Variants in GPATCH2 observed in about 807,000 individuals in gnomAD.
GPATCH2 encodes G patch domain-containing protein 2.
A neutral mutation model predicts 58.0 loss-of-function variants in GPATCH2; 51 were observed. The ratio of observed to expected loss-of-function variants is 0.88; its 90% CI spans 0.70 to 1.11. GPATCH2 has a LOEUF of 1.11. Among genes scored for constraint, GPATCH2 ranks in the 50% most tolerant of loss-of-function variants. The probability of loss-of-function intolerance (pLI) is 0.00; values close to 1 mark genes in which losing one functional copy is unlikely to be tolerated. For missense variants in GPATCH2, 625 were observed against 652.2 expected (o/e 0.96, Z 0.45); for synonymous variants, 222 against 218.5 (o/e 1.02, Z -0.14).
intron 5 of GPATCH2, among the ~76,000 whole-genome samples, chr1:217,525,976 A>G (rs1419108386): frequency 6.6e-6 from 1 of 152,152 alleles, no homozygotes; most frequent in Non-Finnish European, 1.5e-5. Context: ...TTCTTTCCAC[A>G]TTATTCAACA....
At chr1:217,586,453 A>G (rs1013030472) in intron 5 of GPATCH2, among the ~76,000 whole-genome samples, 1 of 152,104 alleles carries the variant, frequency 6.6e-6, no homozygotes, top group Non-Finnish European at 1.5e-5. Flanking sequence ...AGAATCATCA[A>G]TATCACTGTC....
intron 5 of GPATCH2, among the ~76,000 whole-genome samples, chr1:217,528,231 T>C (rs997836506): frequency 6.6e-6 from 1 of 152,354 alleles, no homozygotes; most frequent in East Asian, 1.9e-4. Flanking sequence ...TGTTCAAGTC[T>C]TTAAAAATTA....
At chr1:217,502,694 G>A (rs1662364915) in intron 6 of GPATCH2, among the ~76,000 whole-genome samples, 1 of 152,036 alleles carries the variant, frequency 6.6e-6, no homozygotes, top group South Asian at 2.1e-4. Flanking sequence ...CTACAAAACT[G>A]ATCAGAAGAG....
At chr1:217,541,357 G>T (rs904157817) in intron 5 of GPATCH2, among the ~76,000 whole-genome samples, 5 of 152,174 alleles carry the variant, frequency 3.3e-5, no homozygotes, top group African/African-American at 1.2e-4. Context: ...GGTAATAACT[G>T]CTCTATTCAG....
At chr1:217,608,376 C>T (rs1047385564) in intron 5 of GPATCH2, 30 of 984,598 alleles carry the variant, frequency 3.0e-5, no homozygotes, top group Non-Finnish European at 9.6e-6. Context: ...CCATGATAAA[C>T]ACACATATAT....
At chr1:217,479,423 T>C (rs1223526305) in intron 8 of GPATCH2, among the ~76,000 whole-genome samples, 1 of 152,208 alleles carries the variant, frequency 6.6e-6, no homozygotes, top group African/African-American at 2.4e-5. Flanking sequence ...TTTTGCTTTA[T>C]GCAAACAGTG....
intron 9 of GPATCH2, among the ~76,000 whole-genome samples, chr1:217,444,693 C>T (rs191844732): frequency 6.6e-6 from 1 of 152,268 alleles, no homozygotes; most frequent in Non-Finnish European, 1.5e-5. Context: ...CTTTACTATT[C>T]ATTCAGATAG....
chr1:217,519,997 A>C (rs1663369680), intron 5 of GPATCH2, among the ~76,000 whole-genome samples: 1 of 152,192 alleles, frequency 6.6e-6, no homozygotes, highest in African/African-American at 2.4e-5. Flanking sequence ...TTTAAACATG[A>C]AAAATATTAG....
intron 8 of GPATCH2, among the ~76,000 whole-genome samples, chr1:217,486,029 A>T (rs556706364): frequency 1.3e-5 from 2 of 152,206 alleles, no homozygotes; most frequent in African/African-American, 2.4e-5. Flanking sequence ...TTGCATTTCC[A>T]TATGAAATTT....
chr1:217,593,459 A>T lies in GPATCH2; in HGVS notation c.1098+16862T>A, dbSNP rs2102772626. 2.6e-5 allele frequency among the ~76,000 whole-genome samples: 4 copies of T among 152,094 alleles called. No individual in the cohort carries two copies. The South Asian group carries it at 8.3e-4, about 32-fold the overall frequency. ...GTGCAACTTTCAGTGATTTAGATTA[A>T]ATGTATTAATCATAACCAAGCACTG... On this transcript the variant is annotated intron_variant, in intron 5 of 9. Transcript: ENST00000366935.
intron 8 of GPATCH2, among the ~76,000 whole-genome samples, chr1:217,459,959 T>G (rs1660128968): frequency 6.6e-6 from 1 of 152,162 alleles, no homozygotes; most frequent in Admixed American, 6.5e-5. Context: ...TTTTCTTTCA[T>G]CAGCACAGGA....
At chr1:217,614,281 G>A (rs980110499) in intron 2 of GPATCH2, 79 bp from the exon 3 acceptor site, 5 of 788,448 alleles carry the variant, frequency 6.3e-6, no homozygotes, top group African/African-American at 1.7e-5. Flanking sequence ...AGACATGGCA[G>A]CTCAGAGATG....
chr1:217,512,593 G>A (rs949784017), intron 6 of GPATCH2, among the ~76,000 whole-genome samples: 3 of 152,186 alleles, frequency 2.0e-5, no homozygotes, highest in African/African-American at 4.8e-5. Flanking sequence ...GCCTCAGGGC[G>A]AAGCCATTAA....
At chr1:217,567,235 G>A (rs549984968) in intron 5 of GPATCH2, among the ~76,000 whole-genome samples, 2 of 152,036 alleles carry the variant, frequency 1.3e-5, no homozygotes, top group African/African-American at 2.4e-5. Flanking sequence ...TACTAGAGAC[G>A]GGGTTTCTCC....
intron 5 of GPATCH2, among the ~76,000 whole-genome samples, chr1:217,603,334 T>G (rs1282697838): frequency 6.6e-6 from 1 of 152,136 alleles, no homozygotes; most frequent in Admixed American, 6.5e-5. Context: ...GTTTATATAG[T>G]TTTTCCTAAA....
chr1:217,502,408 T>A (rs1662352224), intron 6 of GPATCH2, among the ~76,000 whole-genome samples: 2 of 152,058 alleles, frequency 1.3e-5, no homozygotes, highest in Non-Finnish European at 2.9e-5. Context: ...CATTTTAATC[T>A]CCCATTTTAT....
chr1:217,611,691 T>C (rs1263973747), intron 3 of GPATCH2, among the ~76,000 whole-genome samples: 1 of 152,140 alleles, frequency 6.6e-6, no homozygotes, highest in African/African-American at 2.4e-5. Flanking sequence ...GAAACAATCA[T>C]GAACAGATGT....
chr1:217,456,280 C>T (rs568753007), intron 8 of GPATCH2, among the ~76,000 whole-genome samples: 1 of 152,254 alleles, frequency 6.6e-6, no homozygotes, highest in African/African-American at 2.4e-5. Context: ...TACTGTGGGG[C>T]CAGAGCCCCA....
chr1:217,613,268 A>G (rs1668720902), intron 3 of GPATCH2, among the ~76,000 whole-genome samples: 1 of 152,142 alleles, frequency 6.6e-6, no homozygotes, highest in African/African-American at 2.4e-5. Context: ...AAGAATGATC[A>G]CTTATGTTTT....
Sources: gnomAD v4.1 joint callset for allele counts (sites outside exome capture counted in the v4.1 genomes callset) on GRCh38, gnomAD v4.1.1 for gene constraint, MANE v1.5 for transcripts, NCBI Gene and HGNC (gene_info 2026-07-23, HGNC 2026-07-21) for gene names.